Variants in RNF150 observed in about 807,000 individuals in gnomAD.
RNF150 encodes ring finger protein 150.
RNF150 carries 24 observed loss-of-function variants against 39.3 expected under a neutral mutation model. That is an observed-to-expected ratio of 0.61 (90% CI 0.44 to 0.86). The LOEUF (loss-of-function observed/expected upper bound fraction) is 0.86. Among genes scored for constraint, RNF150 ranks in the 40% least tolerant of loss-of-function variants. The pLI is 0.00. For synonymous variants in RNF150, 255 were observed against 227.3 expected, an observed-to-expected ratio of 1.12 and a Z score of -1.10; for missense variants, 502 against 587.8, an observed-to-expected ratio of 0.85 and a Z score of 1.51.
At chr4:140,968,523 T>C (rs1159148588) in intron 1 of RNF150, among the ~76,000 whole-genome samples, 5 of 151,844 alleles carry the variant, frequency 3.3e-5, no homozygotes, top group Admixed American at 3.3e-4. Flanking sequence ...ATGTTTCCAC[T>C]GAACCACGTA....
chr4:141,149,610 T>C (rs1180640585), intron 1 of RNF150, among the ~76,000 whole-genome samples: 1 of 152,232 alleles, frequency 6.6e-6, no homozygotes, highest in Non-Finnish European at 1.5e-5. Context: ...TATTTATATA[T>C]ACCACCCTAT....
chr4:140,964,430 T>C (rs1398307263), intron 2 of RNF150, among the ~76,000 whole-genome samples: 4 of 152,040 alleles, frequency 2.6e-5, no homozygotes, highest in Non-Finnish European at 5.9e-5. Flanking sequence ...ATAAATGTTA[T>C]ACATTATTAT....
At chr4:140,945,616 CATATATATACTACAT>C (rs1440365850) in intron 4 of RNF150, among the ~76,000 whole-genome samples, 25 of 146,798 alleles carry the variant, frequency 1.7e-4, no homozygotes, top group Non-Finnish European at 2.2e-4. Flanking sequence ...ATATATACTA[CATATATATACTACAT>C]ATATATATGT....
At chr4:141,188,579 T>C (rs1260007007) in intron 1 of RNF150, among the ~76,000 whole-genome samples, 2 of 152,194 alleles carry the variant, frequency 1.3e-5, no homozygotes. Flanking sequence ...CTTGTCTTCA[T>C]GCTTTTTTTC....
intron 6 of RNF150, among the ~76,000 whole-genome samples, chr4:140,872,717 G>C (rs1016880069): frequency 6.6e-6 from 1 of 152,226 alleles, no homozygotes; most frequent in Non-Finnish European, 1.5e-5. Context: ...TGTTTTTCGA[G>C]CAATACAGAT....
At chr4:141,131,271 T>C (rs1238385196) in intron 1 of RNF150, among the ~76,000 whole-genome samples, 1 of 152,246 alleles carries the variant, frequency 6.6e-6, no homozygotes, top group Non-Finnish European at 1.5e-5. Flanking sequence ...GAGACTCCAC[T>C]CAGAAAATGC....
intron 1 of RNF150, among the ~76,000 whole-genome samples, chr4:141,130,196 G>T (rs2111106006): frequency 6.6e-6 from 1 of 152,290 alleles, no homozygotes; most frequent in South Asian, 2.1e-4. Context: ...TTAGGCAGAA[G>T]AATTTCAGAG....
In RNF150 at chr4:140,866,355, T is replaced by C. The variant is rs977105638; in HGVS notation, c.*1906A>G. On this transcript the variant is annotated 3_prime_UTR_variant, in exon 7 of 7. Coordinates refer to ENST00000515673, the MANE Select transcript of RNF150 (RefSeq NM_020724.2). ...GTTATTAAACCCTTCACATTATAGATGAAGAAGCCGAGGCTTAGTAAAGCG... is the reference window on the plus strand; with the variant it reads ...GTTATTAAACCCTTCACATTATAGACGAAGAAGCCGAGGCTTAGTAAAGCG... 5.4e-4 allele frequency: 83 copies of C among 152,312 alleles called. No homozygotes were observed. Among genetic ancestry groups the C allele is most frequent in the African/African-American group, 1.9e-3 (81 of 41,568 alleles). 9.4% of individuals were successfully genotyped at this position (152,312 alleles called of 1,614,324 possible).
intron 1 of RNF150, among the ~76,000 whole-genome samples, chr4:141,191,214 G>A (rs1035920354): frequency 3.3e-5 from 5 of 152,148 alleles, no homozygotes; most frequent in South Asian, 2.1e-4. Flanking sequence ...TGTTTCTGTG[G>A]GTGCCAGCTG....
chr4:140,930,881 C>T (rs1731605148), intron 4 of RNF150, among the ~76,000 whole-genome samples: 1 of 152,176 alleles, frequency 6.6e-6, no homozygotes, highest in South Asian at 2.1e-4. Context: ...GGCAGCATCA[C>T]AGTCATTTAG....
intron 1 of RNF150, among the ~76,000 whole-genome samples, chr4:141,144,641 C>A (rs973812775): frequency 2.6e-5 from 4 of 152,108 alleles, no homozygotes; most frequent in Non-Finnish European, 5.9e-5. Context: ...CGACTCCTCC[C>A]CTCAGTGAGG....
At chr4:141,203,256 T>C (rs1370915583) in intron 1 of RNF150, among the ~76,000 whole-genome samples, 1 of 126,626 alleles carries the variant, frequency 7.9e-6, no homozygotes, top group Non-Finnish European at 1.6e-5. Flanking sequence ...TTGGAGACGA[T>C]ATATATATCT....
intron 1 of RNF150, among the ~76,000 whole-genome samples, chr4:141,034,625 C>T (rs1408568133): frequency 6.6e-6 from 1 of 152,114 alleles, no homozygotes; most frequent in Non-Finnish European, 1.5e-5. Context: ...AGACATATGA[C>T]TTTTCCTTTT....
chr4:140,955,253 T>C (rs1732705826), intron 2 of RNF150, among the ~76,000 whole-genome samples: 1 of 152,206 alleles, frequency 6.6e-6, no homozygotes, highest in Non-Finnish European at 1.5e-5. Flanking sequence ...AATTTGACTA[T>C]TTTGATAGCT....
At chr4:140,976,781 C>T (rs543209039) in intron 1 of RNF150, among the ~76,000 whole-genome samples, 2 of 152,156 alleles carry the variant, frequency 1.3e-5, no homozygotes, top group East Asian at 3.9e-4. Flanking sequence ...TCCATGGAAC[C>T]TGCCCTACAA....
In RNF150 at chr4:141,132,575, T is replaced by G. The variant is rs376333569; in HGVS notation, c.234A>C (p.Gly78=). 24 of 1,580,708 alleles carry G rather than the reference T, an allele frequency of 1.5e-5. No homozygotes were observed. The highest frequency in any genetic ancestry group is 1.9e-5 in the Non-Finnish European group (22 of 1,164,376). Reference sequence around the variant, plus strand: ...GGGCGTCCTGCTTGGGCGAGTGCTCTCCGTAGCGCCCGCACTCCGTCTTCT... The same window carrying G: ...GGGCGTCCTGCTTGGGCGAGTGCTCGCCGTAGCGCCCGCACTCCGTCTTCT... The part of the protein sequence containing the change: ...HTEKTECGRY[G]EHSPKQDARG... The change falls in exon 1 of 7, where the codon GGA becomes GGC. Residue 78 remains glycine (G), a synonymous_variant. Transcript: ENST00000515673. The surrounding 1 kb of genome is among the most constrained non-coding windows in gnomAD (Gnocchi z 4.9).
Position 141,132,641 on chromosome 4 carries a change from C to G in RNF150, c.168G>C (p.Gly56=), listed in dbSNP as rs749932004. The change falls in exon 1 of 7, where the codon GGG becomes GGC. Residue 56 remains glycine, a synonymous_variant. Transcript: ENST00000515673. This position sits in a 1 kb window ranked among gnomAD's most constrained non-coding sequence, Gnocchi z 4.9. ...ITYAEPAPDP[G]AGAAGGGGAE... ...CGCCGCCGCCGCCCGCCGCCCCGGC[C>G]CCGGGGTCCGGCGCGGGCTCGGCGT... 1 of 1,597,966 alleles carries G rather than the reference C, an allele frequency of 6.3e-7. No individual in the cohort carries two copies. Among genetic ancestry groups the G allele is most frequent in the East Asian group, 2.3e-5 (1 of 43,708 alleles).
rs139377613 is a variant in RNF150, at chr4:141,117,274, G to T, written c.484+15051C>A. ...TGTTTCTTGTGCAACACAAAGAATT[G>T]CATTGCTACAAATATATATCTAATA... On this transcript the variant is annotated intron_variant, in intron 1 of 6. Coordinates refer to ENST00000515673, the MANE Select transcript of RNF150 (RefSeq NM_020724.2). Among the ~76,000 whole-genome samples, 1,094 of 152,186 alleles carry T rather than the reference G, an allele frequency of 7.2e-3. 16 individuals are homozygous for T. The highest frequency in any genetic ancestry group is 0.024 in the African/African-American group (1,013 of 41,528).
At chr4:140,976,434 C>A (rs1238732076) in intron 1 of RNF150, among the ~76,000 whole-genome samples, 1 of 151,932 alleles carries the variant, frequency 6.6e-6, no homozygotes, top group Non-Finnish European at 1.5e-5. Context: ...ATGACCCAGC[C>A]AGTACTCGAG....
Sources: allele counts gnomAD v4.1 joint callset (sites outside exome capture counted in the v4.1 genomes callset), GRCh38; gene constraint gnomAD v4.1.1; non-coding constraint Gnocchi (gnomAD v3.1); transcripts MANE v1.5; gene names NCBI Gene and HGNC (gene_info 2026-07-23, HGNC 2026-07-21).